ARMCX4: variants seen among roughly 807,000 people sequenced by gnomAD.
ARMCX4 encodes armadillo repeat-containing X-linked protein 4.
In ARMCX4, 3 loss-of-function variants were observed where a neutral mutation model predicts 34.7. That is an observed-to-expected ratio of 0.09 (90% CI 0.04 to 0.22). ARMCX4 has a LOEUF of 0.22. ARMCX4 is among the 10% of genes least tolerant of loss of function. The pLI, the probability that ARMCX4 is intolerant of heterozygous loss-of-function variation, is 1.00. For missense variants in ARMCX4, 1,448 were observed against 1,720.8 expected (o/e 0.84, Z 2.81); for synonymous variants, 513 against 632.8 (o/e 0.81, Z 2.84).
intron 7 of ARMCX4, among the ~76,000 whole-genome samples, chrX:101,502,104 A>G (rs1934313948): frequency 8.9e-6 from 1 of 112,495 alleles, no homozygotes; most frequent in Non-Finnish European, 1.9e-5. Flanking sequence ...CTGACATGCT[A>G]CTACATCCTG....
At position 101,489,385 on chromosome X, in the gene ARMCX4, G is replaced by C; in HGVS notation, c.796G>C (p.Gly266Arg). 3 of 1,155,336 alleles carry C rather than the reference G, an allele frequency of 2.6e-6. No individual in the cohort carries two copies. The African/African-American group carries it at 5.3e-5, about 21-fold the overall frequency. Residue 266 changes from glycine to arginine, a missense_variant, in exon 6 of 6, where the codon GGC becomes CGC. Around this residue, in one of 2 missense-constraint regions of ARMCX4, gnomAD observed 1,343 missense variants for 1,540.7 expected, o/e 0.87. Transcript: ENST00000423738. The stretch of plus-strand genomic sequence containing the variant: ...AGTTGATGCTAGGGGAAATCCCAAT[G>C]GCATGTCCAGGGAGGTGGCTGGAGT... ...ATVDARGNPNGMSREVAGVDM... is the reference protein window; with the variant it reads ...ATVDARGNPNRMSREVAGVDM...
At chrX:101,446,372 G>T (rs1555998040), downstream of ARMCX4, among the ~76,000 whole-genome samples, 6 of 110,755 alleles carry the variant, frequency 5.4e-5, no homozygotes, top group Non-Finnish European at 1.1e-4. Context: ...CATGAAGAAG[G>T]ATAGACATGT....
intron 4 of ARMCX4, among the ~76,000 whole-genome samples, chrX:101,453,247 A>G (rs1212642030): frequency 8.9e-6 from 1 of 111,936 alleles, no homozygotes; most frequent in African/African-American, 3.2e-5. Context: ...ATGAATATAA[A>G]TCTTTACCAT....
chrX:101,533,385 A>G (rs1289998485), exon 13 of ARMCX4: 1 of 110,655 alleles, frequency 9.0e-6, no homozygotes, highest in African/African-American at 3.3e-5. Flanking sequence ...GGGTGCCACA[A>G]AATTGCTTGT....
intron 11 of ARMCX4, among the ~76,000 whole-genome samples, chrX:101,520,929 CTT>C (rs201578184): frequency 5.3e-5 from 5 of 94,711 alleles, no homozygotes; most frequent in African/African-American, 3.8e-5. Context: ...AATTAAATGT[CTT>C]TTTTTTTTTT....
At chrX:101,483,301 G>A (rs782083865), upstream of ARMCX4, among the ~76,000 whole-genome samples, 1 of 111,301 alleles carries the variant, frequency 9.0e-6, no homozygotes, top group Non-Finnish European at 1.9e-5. Context: ...CCAAGGAATA[G>A]AATTATTGGG....
At chrX:101,436,185 T>G (rs1291835803) in intron 2 of ARMCX4, among the ~76,000 whole-genome samples, 8 of 109,112 alleles carry the variant, frequency 7.3e-5, no homozygotes, top group Admixed American at 3.0e-4. Context: ...GTGAAGAAAG[T>G]CATTGGTAGC....
In ARMCX4 at chrX:101,492,250, G is replaced by T; in HGVS notation, c.3661G>T (p.Gly1221Trp). The change falls in exon 6 of 6, where the codon GGG becomes TGG. Residue 1221 changes from glycine to tryptophan, a missense_variant. Physicochemically the swap from Gly to Trp is radical, Grantham distance 184. Around this residue, in one of 2 missense-constraint regions of ARMCX4, gnomAD observed 1,343 missense variants for 1,540.7 expected, o/e 0.87. Transcript: ENST00000423738. Reference protein sequence around the residue: ...AWTGAENQASGGSWALAGNQA... With the variant: ...AWTGAENQASWGSWALAGNQA... Reference sequence around the variant, plus strand: ...GACTGGGGCTGAGAACCAGGCCAGTGGGGGGTCTTGGGCTCTCGCTGGGAA... The same window carrying T: ...GACTGGGGCTGAGAACCAGGCCAGTTGGGGGTCTTGGGCTCTCGCTGGGAA... 1 of 1,140,009 alleles carries T rather than the reference G, an allele frequency of 8.8e-7. No homozygotes were observed. Among genetic ancestry groups the T allele is most frequent in the South Asian group, 2.0e-5 (1 of 50,195 alleles). The allele number at this position is 1,140,009 out of a possible 1,213,427, so 93.9% of individuals were successfully genotyped here.
intron 4 of ARMCX4, among the ~76,000 whole-genome samples, chrX:101,467,536 A>G (rs1603178261): frequency 8.9e-6 from 1 of 112,045 alleles, no homozygotes; most frequent in African/African-American, 3.2e-5. Context: ...AACCAAACAG[A>G]TCAAACTGGG....
chrX:101,508,418 T>C (rs1934506355), intron 8 of ARMCX4, among the ~76,000 whole-genome samples: 2 of 111,621 alleles, frequency 1.8e-5, no homozygotes, highest in African/African-American at 6.5e-5. Flanking sequence ...TATGGCCACC[T>C]TCTTGTTGTG....
Position 101,490,200 on chromosome X carries a change from G to A in ARMCX4, c.1611G>A (p.Lys537=), listed in dbSNP as rs1015093565. The A allele has an allele frequency of 1.7e-6, 2 of 1,154,125 alleles. No homozygotes were observed. The highest frequency in any genetic ancestry group is 3.6e-5 in the African/African-American group (2 of 55,720). The change falls in exon 6 of 6, where the codon AAG becomes AAA. Residue 537 remains lysine (K), a synonymous_variant. Coordinates refer to ENST00000423738, the MANE Select transcript of ARMCX4 (RefSeq NM_001256155.3). The part of the protein sequence containing the change: ...KARGKAKAKC[K]TGPGMDMKTC... Reference sequence around the variant, plus strand: ...GGGGCAAAGCCAAAGCCAAGTGTAAGACAGGGCCTGGGATGGACATGAAAA... The same window carrying A: ...GGGGCAAAGCCAAAGCCAAGTGTAAAACAGGGCCTGGGATGGACATGAAAA...
At position 101,490,373 on chromosome X, in the gene ARMCX4, A is replaced by G. The variant is rs1556008395; in HGVS notation, c.1784A>G (p.Asn595Ser). The change falls in exon 6 of 6, where the codon AAT becomes AGT. Residue 595 changes from asparagine (N) to serine (S), a missense_variant. This residue lies in a region of ARMCX4 where 1,343 missense variants were observed against 1,540.7 expected (regional missense o/e 0.87). Transcript: ENST00000423738. ...RVCGQPLVVA[N>S]PQGEALPGAK... is the part of the protein sequence containing the mutation. ...TGTGGTCAGCCCCTGGTTGTGGCCA[A>G]TCCCCAGGGTGAGGCCTTGCCTGGT... 8 of 1,154,503 alleles carry G rather than the reference A, an allele frequency of 6.9e-6. No individual in the cohort carries two copies. The South Asian group carries it at 1.1e-4, about 16-fold the overall frequency.
downstream of ARMCX4, chrX:101,498,106 C>T (rs1556012433): frequency 9.2e-6 from 3 of 326,805 alleles, no homozygotes; most frequent in Admixed American, 9.5e-5. Flanking sequence ...TTAACTCCTC[C>T]CTCTGTCCAA....
Position 101,515,352 on chromosome X carries a change from T to TTTCTTTCTTTCTTTCTTTCTTTCTTTCC in ARMCX4, c.*1780+4324_*1780+4325insCTTCTTTCTTTCTTTCTTTCTTTCTTTC, listed in dbSNP as rs1934688410. On this transcript the variant is annotated intron_variant and NMD_transcript_variant, in intron 11 of 12. Transcript: ENST00000354842. ...TCTTTCTTTCCTTTCCTTTTCTTTC[T>TTTCTTTCTTTCTTTCTTTCTTTCTTTCC]TTCTTTCTTTCTTTCTTTCTTTCTT... is the stretch of plus-strand genomic sequence containing the variant. Among the ~76,000 whole-genome samples the TTTCTTTCTTTCTTTCTTTCTTTCTTTCC allele has an allele frequency of 2.8e-4, 10 of 36,001 alleles. 1 individual carries two copies. The highest frequency in any genetic ancestry group is 6.7e-4 in the African/African-American group (6 of 9,007). The allele number at this position is 36,001 out of a possible 115,157, so 31.3% of individuals were successfully genotyped here. A position where few individuals can be genotyped will look rare whatever the true frequency, so the allele number is the denominator to read the frequency against.
chrX:101,444,727 T>C (rs1931521878), intron 3 of ARMCX4, among the ~76,000 whole-genome samples: 1 of 112,139 alleles, frequency 8.9e-6, no homozygotes, highest in Non-Finnish European at 1.9e-5. Context: ...ATTGTGTATA[T>C]TGAAGGTATA....
intron 11 of ARMCX4, among the ~76,000 whole-genome samples, chrX:101,529,018 A>G (rs1935054037): frequency 8.9e-6 from 1 of 111,748 alleles, no homozygotes; most frequent in African/African-American, 3.3e-5. Flanking sequence ...AAGAGCCCGT[A>G]TTGCCAAGAC....
chrX:101,523,511 C>T (rs1421830605), intron 11 of ARMCX4, among the ~76,000 whole-genome samples: 1 of 112,110 alleles, frequency 8.9e-6, no homozygotes, highest in African/African-American at 3.2e-5. Context: ...AAGCTACGGT[C>T]AAAACCTAAG....
chrX:101,433,874 A>G (rs1291331245), intron 2 of ARMCX4, among the ~76,000 whole-genome samples: 3 of 111,531 alleles, frequency 2.7e-5, no homozygotes, highest in Admixed American at 9.6e-5. Flanking sequence ...AAACCACCTC[A>G]GAAAACATTT....
rs200772096 is a variant in ARMCX4, at chrX:101,488,414, T to C, written c.-146-30T>C. The C allele has an allele frequency of 1.8e-4, 192 of 1,082,384 alleles. 1 individual carries two copies. The highest frequency in any genetic ancestry group is 1.3e-4 in the Non-Finnish European group (106 of 838,026). The allele number at this position is 1,082,384 out of a possible 1,213,427, so 89.2% of individuals were successfully genotyped here. A position where few individuals can be genotyped will look rare whatever the true frequency, so the allele number is the denominator to read the frequency against. ...TGATGCAACAAAATCAGAAGAGAAA[T>C]TTTAGTCCATTTCCTTCCTCCACTT... On this transcript the variant is annotated intron_variant, in intron 5 of 5. Coordinates refer to ENST00000423738, the MANE Select transcript of ARMCX4 (RefSeq NM_001256155.3).
Sources: allele counts gnomAD v4.1 joint callset (sites outside exome capture counted in the v4.1 genomes callset), GRCh38; gene constraint gnomAD v4.1.1; regional missense constraint gnomAD v4.1.1; transcripts MANE v1.5; gene names NCBI Gene and HGNC (gene_info 2026-07-23, HGNC 2026-07-21).